TRPM7: variants seen among roughly 807,000 people sequenced by gnomAD.
TRPM7 encodes transient receptor potential cation channel subfamily M member 7.
TRPM7 carries 134 observed loss-of-function variants against 229.7 expected under a neutral mutation model. The observed-to-expected ratio is 0.58, with a 90% CI of 0.51 to 0.67. The LOEUF (loss-of-function observed/expected upper bound fraction) is 0.67, where lower values mean the gene tolerates loss of function less well. Among genes scored for constraint, TRPM7 ranks in the 30% least tolerant of loss-of-function variants. The pLI, the probability that TRPM7 is intolerant of heterozygous loss-of-function variation, is 0.00. For missense variants in TRPM7, 1,901 were observed against 2,210.0 expected (o/e 0.86, Z 2.80); for synonymous variants, 699 against 715.2 (o/e 0.98, Z 0.36).
chr15:50,586,376 T>C lies in TRPM7; in HGVS notation c.4486+16A>G, dbSNP rs751091120. ...AGTATGTTTTCTGACACTATTCATATGGTCAAAATACTCACCTTGTTTTGA... is the reference window on the plus strand; with the variant it reads ...AGTATGTTTTCTGACACTATTCATACGGTCAAAATACTCACCTTGTTTTGA... On this transcript the variant is annotated intron_variant, in intron 28 of 38. Transcript: ENST00000646667. The C allele has an allele frequency of 2.2e-5, 33 of 1,511,020 alleles. No individual in the cohort carries two copies. The highest frequency in any genetic ancestry group is 2.9e-5 in the Non-Finnish European group (32 of 1,087,268). 93.6% of individuals were successfully genotyped at this position (1,511,020 alleles called of 1,614,324 possible).
In TRPM7 at chr15:50,612,791, G is replaced by A; in HGVS notation, c.1809C>T (p.Thr603=). ...CATCAATGTCTACAATTTCATCTTTGGTTCTTTTCTTCTTTCCTTCTTCCA... is the reference window on the plus strand; with the variant it reads ...CATCAATGTCTACAATTTCATCTTTAGTTCTTTTCTTCTTTCCTTCTTCCA... ...TVMEEGKKKR[T]KDEIVDIDDP... The change falls in exon 16 of 39, where the codon ACC becomes ACT. Residue 603 remains threonine (T), a synonymous_variant. Transcript: ENST00000646667. 1 of 1,613,524 alleles carries A rather than the reference G, an allele frequency of 6.2e-7. No individual in the cohort carries two copies. Among genetic ancestry groups the A allele is most frequent in the African/African-American group, 1.3e-5 (1 of 74,972 alleles).
intron 36 of TRPM7, among the ~76,000 whole-genome samples, 183 bp downstream of exon 36, chr15:50,574,089 GAT>G: frequency 6.6e-6 from 1 of 152,144 alleles, no homozygotes; most frequent in East Asian, 1.9e-4. Context: ...AACAAAAAAA[GAT>G]AGCCAGATTC....
chr15:50,631,595 G>A lies in TRPM7; in HGVS notation c.1132-106C>T. ...TATGGGGGGCAAAATATATATGTAT[G>A]TATCTAGGAATCTATGTATTATGTA... On this transcript the variant is annotated intron_variant, in intron 9 of 38. Coordinates refer to ENST00000646667, the MANE Select transcript of TRPM7 (RefSeq NM_017672.6). 10 of 597,548 alleles carry A rather than the reference G, an allele frequency of 1.7e-5. No individual in the cohort carries two copies. The South Asian group carries it at 2.5e-4, about 15-fold the overall frequency. 37.0% of individuals were successfully genotyped at this position (597,548 alleles called of 1,614,324 possible). A position where few individuals can be genotyped will look rare whatever the true frequency, so the allele number is the denominator to read the frequency against.
intron 26 of TRPM7, among the ~76,000 whole-genome samples, chr15:50,590,170 G>A (rs914271823): frequency 1.3e-5 from 2 of 151,712 alleles, no homozygotes; most frequent in African/African-American, 4.8e-5. Flanking sequence ...TTATAGTTAA[G>A]TTTACAGTAA....
chr15:50,636,895 C>T (rs2060923684), intron 7 of TRPM7, among the ~76,000 whole-genome samples: 1 of 152,010 alleles, frequency 6.6e-6, no homozygotes, highest in African/African-American at 2.4e-5. Context: ...TTTGGGAGGC[C>T]GAGACGGGCA....
intron 13 of TRPM7, among the ~76,000 whole-genome samples, chr15:50,616,003 T>C (rs529881195): frequency 5.3e-4 from 81 of 152,326 alleles, no homozygotes; most frequent in Non-Finnish European, 9.0e-4. Context: ...TATTTCCATC[T>C]TGAATACAAG....
chr15:50,623,839 A>G (rs957191946), intron 12 of TRPM7, among the ~76,000 whole-genome samples: 1 of 152,130 alleles, frequency 6.6e-6, no homozygotes, highest in Non-Finnish European at 1.5e-5. Flanking sequence ...TTCCTCCATT[A>G]GACAACGGAG....
intron 3 of TRPM7, among the ~76,000 whole-genome samples, chr15:50,651,376 T>C (rs1385924205): frequency 6.6e-6 from 1 of 152,218 alleles, no homozygotes; most frequent in African/African-American, 2.4e-5. Flanking sequence ...CCGGGTGTGG[T>C]GGCTCACGCC....
At chr15:50,622,879 C>A (rs2060451498) in intron 12 of TRPM7, among the ~76,000 whole-genome samples, 1 of 151,614 alleles carries the variant, frequency 6.6e-6, no homozygotes. Context: ...GAGTGAGATT[C>A]TTTCTCAAAA....
At chr15:50,685,491 T>C (rs894485716) in intron 1 of TRPM7, among the ~76,000 whole-genome samples, 17 of 152,132 alleles carry the variant, frequency 1.1e-4, no homozygotes, top group Non-Finnish European at 4.4e-5. Flanking sequence ...AGGTGGAAAA[T>C]AGTGAAAGAC....
At chr15:50,656,931 T>C (rs1257279910) in intron 3 of TRPM7, among the ~76,000 whole-genome samples, 1 of 152,210 alleles carries the variant, frequency 6.6e-6, no homozygotes, top group Non-Finnish European at 1.5e-5. Context: ...CAAAAACATC[T>C]TACTTCAGGT....
rs1243096119 is a variant in TRPM7 at position 50,656,708 on chromosome 15, C to A, written c.122+1073G>T. ...TCAATATATCTAAAATAAACCCATT[C>A]TATGTACTTTTATTCCTAGCCTACC... is the stretch of plus-strand genomic sequence containing the variant. On this transcript the variant is annotated intron_variant, in intron 3 of 38. Transcript: ENST00000646667. Among the ~76,000 whole-genome samples the A allele has an allele frequency of 2.6e-5, 4 of 152,012 alleles. No individual in the cohort carries two copies. In the East Asian group the frequency reaches 7.7e-4, roughly 29 times the overall value.
intron 27 of TRPM7, among the ~76,000 whole-genome samples, chr15:50,588,594 C>T (rs1254782976): frequency 6.6e-6 from 1 of 152,106 alleles, no homozygotes; most frequent in Non-Finnish European, 1.5e-5. Context: ...ATTATCATTT[C>T]CTTGGTTCTA....
In TRPM7 at chr15:50,638,674, T is replaced by TTGTATGTA. The variant is rs11283855; in HGVS notation, c.660+742_660+749dup. 4.4e-3 allele frequency among the ~76,000 whole-genome samples: 670 copies of TTGTATGTA among 150,616 alleles called. 6 individuals carry two copies. Among genetic ancestry groups the TTGTATGTA allele is most frequent in the African/African-American group, 0.014 (582 of 41,102 alleles). ...GAAAGTGATCATTATAATTCAGTAA[T>TTGTATGTA]TGTATGTATGTATGTATGTATGTAT... is the stretch of plus-strand genomic sequence containing the variant. On this transcript the variant is annotated intron_variant, in intron 6 of 38. Coordinates refer to ENST00000646667, the MANE Select transcript of TRPM7 (RefSeq NM_017672.6).
chr15:50,640,676 GATA>G (rs2061074962), intron 5 of TRPM7, among the ~76,000 whole-genome samples: 1 of 152,126 alleles, frequency 6.6e-6, no homozygotes, highest in African/African-American at 2.4e-5. Flanking sequence ...TTATATATGT[GATA>G]ATACCTTAAA....
chr15:50,620,176 T>G (rs1258067762), intron 12 of TRPM7, among the ~76,000 whole-genome samples: 1 of 152,200 alleles, frequency 6.6e-6, no homozygotes, highest in African/African-American at 2.4e-5. Context: ...ATATTTTGGG[T>G]AACAAGACTT....
intron 13 of TRPM7, 25 bp from the exon 14 acceptor site, chr15:50,614,288 A>G: frequency 1.1e-5 from 17 of 1,575,998 alleles, no homozygotes; most frequent in Non-Finnish European, 1.3e-5. Flanking sequence ...TTTGTTTTAA[A>G]TAGATCAGAT....
chr15:50,660,773 C>T (rs916814197), intron 2 of TRPM7, among the ~76,000 whole-genome samples: 1 of 151,948 alleles, frequency 6.6e-6, no homozygotes, highest in East Asian at 1.9e-4. Context: ...CATTTATATT[C>T]CTTTAATACT....
At chr15:50,594,066 T>C (rs1205867720) in intron 24 of TRPM7, among the ~76,000 whole-genome samples, 1 of 152,184 alleles carries the variant, frequency 6.6e-6, no homozygotes, top group Non-Finnish European at 1.5e-5. Flanking sequence ...AATTTGAAAG[T>C]CCCTGTAAAA....
Sources: gnomAD v4.1 joint callset for allele counts (sites outside exome capture counted in the v4.1 genomes callset) on GRCh38, gnomAD v4.1.1 for gene constraint, MANE v1.5 for transcripts, NCBI Gene and HGNC (gene_info 2026-07-23, HGNC 2026-07-21) for gene names.